The following ESCO2 variants were observed in gnomAD, a reference collection of about 807,000 sequenced individuals.
ESCO2 encodes establishment of sister chromatid cohesion N-acetyltransferase 2, also known as N-acetyltransferase ESCO2.
Under a neutral mutation model 61.7 loss-of-function variants are expected in ESCO2, and 51 were observed. The observed-to-expected ratio is 0.83, with a 90% confidence interval of 0.66 to 1.04. The LOEUF is 1.04. Among genes scored for constraint, ESCO2 ranks in the 50% least tolerant of loss-of-function variants. The pLI is 0.00. For missense variants in ESCO2, 692 were observed against 686.2 expected (o/e 1.01, Z -0.09); for synonymous variants, 230 against 238.2 (o/e 0.97, Z 0.32).
chr8:27,788,536 C>G (rs1351187143), intron 6 of ESCO2, among the ~76,000 whole-genome samples: 4 of 151,530 alleles, frequency 2.6e-5, no homozygotes, highest in African/African-American at 7.3e-5. Context: ...TTTTTTCCCC[C>G]CCCAAAGAGA....
chr8:27,805,687 T>C (rs1024981211), downstream of ESCO2, among the ~76,000 whole-genome samples: 12 of 152,188 alleles, frequency 7.9e-5, no homozygotes, highest in Admixed American at 6.5e-5. Flanking sequence ...CACGGCTCAC[T>C]GCAGCCTCGA....
intron 4 of ESCO2, among the ~76,000 whole-genome samples, chr8:27,781,003 G>T (rs1049970821): frequency 6.6e-6 from 1 of 151,826 alleles, no homozygotes; most frequent in African/African-American, 2.4e-5. Context: ...TAACAAAAAG[G>T]CATCTACTTA....
chr8:27,811,726 A>C (rs563269839), downstream of ESCO2, among the ~76,000 whole-genome samples: 76 of 152,328 alleles, frequency 5.0e-4, no homozygotes, highest in Non-Finnish European at 1.0e-3. Context: ...TCTCTGGATC[A>C]ATTTAGTAAG....
chr8:27,807,553 G>T (rs1354183128), downstream of ESCO2, among the ~76,000 whole-genome samples: 1 of 152,204 alleles, frequency 6.6e-6, no homozygotes, highest in African/African-American at 2.4e-5. Context: ...ATAAGATTGG[G>T]TATCTGTAGG....
At position 27,776,899 on chromosome 8, in the gene ESCO2, A is replaced by G. The variant is rs1290204544; in HGVS notation, c.591A>G (p.Gln197=). 3 of 1,614,226 alleles carry G rather than the reference A, an allele frequency of 1.9e-6. No homozygotes were observed. The highest frequency in any genetic ancestry group is 1.7e-6 in the Non-Finnish European group (2 of 1,180,042). The change falls in exon 3 of 11, where the codon CAA becomes CAG. Residue 197 remains glutamine (Q), a synonymous_variant. Transcript: ENST00000305188. ...NNSNAPRVLS[Q]KIKPQVTLQG... is the part of the protein sequence containing the mutation. ...CCAATGCTCCTCGGGTTCTGAGCCA[A>G]AAAATAAAACCACAAGTTACACTCC...
intron 4 of ESCO2, among the ~76,000 whole-genome samples, chr8:27,781,116 G>T (rs922766168): frequency 6.6e-6 from 1 of 152,110 alleles, no homozygotes; most frequent in African/African-American, 2.4e-5. Flanking sequence ...ATAAGGATAT[G>T]GGAGAAATCA....
downstream of ESCO2, among the ~76,000 whole-genome samples, chr8:27,814,599 G>A (rs1460775917): frequency 1.3e-5 from 2 of 151,938 alleles, no homozygotes; most frequent in African/African-American, 4.8e-5. Flanking sequence ...ATGAACATAG[G>A]TCATTGATTT....
chr8:27,819,144 T>C, the ESCO2 span, among the ~76,000 whole-genome samples: 47 of 152,240 alleles, frequency 3.1e-4, 1 homozygote, highest in African/African-American at 2.4e-4. Context: ...TCCTCCTCCT[T>C]TCATCGAGTT....
At chr8:27,794,841 G>T (rs35102495) in intron 9 of ESCO2, among the ~76,000 whole-genome samples, 39,816 of 151,954 alleles carry the variant, frequency 0.26, 6,205 homozygotes, top group Middle Eastern at 0.36. Context: ...CTGTGTCCTT[G>T]CCCCATTGTT....
chr8:27,811,482 C>G (rs1288309110), downstream of ESCO2: 15 of 400,524 alleles, frequency 3.7e-5, no homozygotes, highest in Admixed American at 2.0e-4. Flanking sequence ...TTGAGCAGAT[C>G]ACTTCTAGAC....
intron 9 of ESCO2, among the ~76,000 whole-genome samples, chr8:27,797,407 C>T (rs950940447): frequency 1.3e-5 from 2 of 152,056 alleles, no homozygotes; most frequent in Admixed American, 6.6e-5. Flanking sequence ...TGTTCTCTTT[C>T]GGTTTCCATT....
chr8:27,785,145 T>A (rs1805009747), intron 5 of ESCO2, among the ~76,000 whole-genome samples: 1 of 152,170 alleles, frequency 6.6e-6, no homozygotes, highest in African/African-American at 2.4e-5. Context: ...TGCTGCATGA[T>A]CCCATGGCGG....
At chr8:27,783,854 CTG>C in intron 4 of ESCO2, 144 bp from the exon 5 acceptor site, 1 of 754,014 alleles carries the variant, frequency 1.3e-6, no homozygotes, top group Non-Finnish European at 2.3e-6. Flanking sequence ...CTGTTGAGGA[CTG>C]TTTTTCCTCC....
chr8:27,776,486 C>T lies in ESCO2; in HGVS notation c.178C>T (p.Leu60Phe). The T allele has an allele frequency of 6.2e-7, 1 of 1,613,222 alleles. No homozygotes were observed. The highest frequency in any genetic ancestry group is 1.7e-4 in the Middle Eastern group (1 of 6,058). ...ACAAGAGCATTTTGTTTTAAGTGCG[C>T]TCAAAACAACTGAAATAAATAGACT... ...SQQEHFVLSA[L>F]KTTEINRLPS... The change falls in exon 3 of 11, where the codon CTC (leucine) becomes TTC (phenylalanine). Residue 60 changes from leucine (L) to phenylalanine (F), a missense_variant. Physicochemically the swap from Leu to Phe is conservative, Grantham distance 22. Transcript: ENST00000305188.
At chr8:27,811,359 T>G, downstream of ESCO2, 1 of 593,552 alleles carries the variant, frequency 1.7e-6, no homozygotes, top group Admixed American at 3.0e-5. Context: ...GAAACAGCAA[T>G]TCTCTTACAA....
At chr8:27,810,169 G>C (rs1805642975), downstream of ESCO2, 1 of 635,366 alleles carries the variant, frequency 1.6e-6, no homozygotes, top group African/African-American at 1.9e-5. Flanking sequence ...ATTAGAAATA[G>C]TTATCCATAT....
chr8:27,801,731 A>G (rs569647184), intron 10 of ESCO2, among the ~76,000 whole-genome samples: 1 of 152,262 alleles, frequency 6.6e-6, no homozygotes, highest in East Asian at 1.9e-4. Flanking sequence ...ATTAAGTTCA[A>G]CATTTACCTC....
At chr8:27,772,722 G>C, upstream of ESCO2, 1 of 604,482 alleles carries the variant, frequency 1.7e-6, no homozygotes, top group Non-Finnish European at 3.0e-6. Flanking sequence ...GAGGCGAAGT[G>C]TAGTGGCAAG....
chr8:27,772,584 C>G (rs1045271214), upstream of ESCO2: 5 of 1,541,306 alleles, frequency 3.2e-6, no homozygotes, highest in South Asian at 1.2e-5. Context: ...AGCAGCAGCG[C>G]TCAACTCACG....
Sources: gnomAD v4.1 joint callset for allele counts (sites outside exome capture counted in the v4.1 genomes callset) on GRCh38, gnomAD v4.1.1 for gene constraint, MANE v1.5 for transcripts, NCBI Gene and HGNC (gene_info 2026-07-23, HGNC 2026-07-21) for gene names.